Variants in FAT3 observed in about 807,000 individuals in gnomAD.
FAT3 encodes the protein FAT atypical cadherin 3, also known as protocadherin Fat 3.
FAT3 carries 95 observed loss-of-function variants against 310.2 expected under a neutral mutation model. The observed-to-expected ratio is 0.31, with a 90% confidence interval of 0.26 to 0.36. The LOEUF is 0.36. Ranked by LOEUF, FAT3 falls within the 10% of genes least tolerant of loss-of-function variation. The probability of loss-of-function intolerance (pLI) is 1.00; values close to 1 mark genes in which losing one functional copy is unlikely to be tolerated. For synonymous variants in FAT3, 2,314 were observed against 2,192.9 expected (o/e 1.06, Z -1.54); for missense variants, 5,408 against 5,715.6 (o/e 0.95, Z 1.74).
chr11:92,673,037 C>G (rs1440249610), intron 3 of FAT3, among the ~76,000 whole-genome samples: 1 of 152,178 alleles, frequency 6.6e-6, no homozygotes, highest in Admixed American at 6.5e-5. Flanking sequence ...CCAACTCTAA[C>G]AGTTAATAAT....
chr11:92,325,821 C>T (rs569650033), intron 1 of FAT3, among the ~76,000 whole-genome samples: 2 of 152,166 alleles, frequency 1.3e-5, no homozygotes, highest in South Asian at 2.1e-4. Context: ...TAGTAGATAC[C>T]GGGTTTCACC....
At chr11:92,820,691 C>T (rs1488713287) in intron 13 of FAT3, among the ~76,000 whole-genome samples, 5 of 152,120 alleles carry the variant, frequency 3.3e-5, no homozygotes, top group African/African-American at 1.2e-4. Flanking sequence ...TGACTGCAAC[C>T]TCAAGAGAAA....
At chr11:92,517,760 C>T (rs1953536549) in intron 2 of FAT3, among the ~76,000 whole-genome samples, 1 of 151,284 alleles carries the variant, frequency 6.6e-6, no homozygotes, top group Admixed American at 6.6e-5. Context: ...CTACAAGGAA[C>T]TTAAATTTAC....
chr11:92,433,033 G>A (rs553742811), intron 2 of FAT3, among the ~76,000 whole-genome samples: 7 of 152,132 alleles, frequency 4.6e-5, no homozygotes, highest in Non-Finnish European at 8.8e-5. Context: ...TATTTACACC[G>A]TGAAGGGAAA....
At chr11:92,443,230 C>G (rs1951121148) in intron 2 of FAT3, among the ~76,000 whole-genome samples, 1 of 152,112 alleles carries the variant, frequency 6.6e-6, no homozygotes, top group Admixed American at 6.6e-5. Context: ...GAGATTCTTC[C>G]TAGTTTATTG....
At chr11:92,601,565 C>G (rs1429714861) in intron 3 of FAT3, among the ~76,000 whole-genome samples, 1 of 152,070 alleles carries the variant, frequency 6.6e-6, no homozygotes, top group African/African-American at 2.4e-5. Context: ...CCACTGCACT[C>G]CAGCCTGGAT....
At chr11:92,624,626 C>G (rs1159755634) in intron 3 of FAT3, among the ~76,000 whole-genome samples, 1 of 152,172 alleles carries the variant, frequency 6.6e-6, no homozygotes, top group African/African-American at 2.4e-5. Flanking sequence ...AGAGAAATAA[C>G]TCCAAAAATA....
intron 4 of FAT3, among the ~76,000 whole-genome samples, chr11:92,717,164 T>A (rs1339512493): frequency 6.6e-6 from 1 of 152,220 alleles, no homozygotes; most frequent in Non-Finnish European, 1.5e-5. Context: ...ACTGTTAGTT[T>A]CCTTCTTCAC....
At chr11:92,754,627 C>CAAAAAAAAAAAAAAAAAAAAAAAA (rs71064722) in intron 4 of FAT3, among the ~76,000 whole-genome samples, 14 of 32,710 alleles carry the variant, frequency 4.3e-4, no homozygotes, top group East Asian at 2.9e-3. Flanking sequence ...GACTCTGCCT[C>CAAAAAAAAAAAAAAAAAAAAAAAA]AAAAAAAAAA....
intron 5 of FAT3, among the ~76,000 whole-genome samples, chr11:92,762,644 CAAT>C (rs1242417039): frequency 6.6e-6 from 1 of 152,096 alleles, no homozygotes; most frequent in African/African-American, 2.4e-5. Flanking sequence ...ACACAAATCA[CAAT>C]GATGTTTATT....
At chr11:92,424,588 G>A (rs948630964) in intron 2 of FAT3, among the ~76,000 whole-genome samples, 1 of 152,136 alleles carries the variant, frequency 6.6e-6, no homozygotes, top group African/African-American at 2.4e-5. Context: ...GTAGTAGACT[G>A]CAATAGAGTG....
intron 3 of FAT3, among the ~76,000 whole-genome samples, chr11:92,646,264 G>A (rs1023506778): frequency 2.0e-5 from 3 of 152,142 alleles, no homozygotes; most frequent in African/African-American, 4.8e-5. Context: ...GCTCAGTTGC[G>A]ACTGTTAACA....
rs756787169 is a variant in FAT3 at position 92,800,295 on chromosome 11, C to T, written c.7282C>T (p.Arg2428Trp). 4.2e-5 allele frequency: 68 copies of T among 1,613,600 alleles called. No homozygotes were observed. Among genetic ancestry groups the T allele is most frequent in the Admixed American group, 4.0e-4 (24 of 59,996 alleles). ...TGATGCAGACAGCTCTGATTTTGAC[C>T]GGTTGGAATATAGCATTTTATCTGG... ...ASDADSSDFD[R>W]LEYSILSGND... Residue 2428 changes from arginine to tryptophan, a missense_variant, in exon 10 of 28, where the codon CGG (arginine) becomes TGG (tryptophan). This residue lies in a region of FAT3 where 4,588 missense variants were observed against 4,809.8 expected (regional missense o/e 0.95). Coordinates refer to ENST00000525166, the MANE Select transcript of FAT3 (RefSeq NM_001367949.2).
At chr11:92,287,680 T>G (rs1290713907) in intron 1 of FAT3, among the ~76,000 whole-genome samples, 1 of 152,164 alleles carries the variant, frequency 6.6e-6, no homozygotes, top group Non-Finnish European at 1.5e-5. Context: ...TGCTCCCCTC[T>G]TAAGTTATCC....
At chr11:92,777,549 G>C (rs1054764003) in intron 7 of FAT3, among the ~76,000 whole-genome samples, 2 of 152,108 alleles carry the variant, frequency 1.3e-5, no homozygotes, top group Non-Finnish European at 2.9e-5. Flanking sequence ...AAACCTCCTA[G>C]CAAGATGGAC....
intron 2 of FAT3, among the ~76,000 whole-genome samples, chr11:92,475,275 TC>T (rs1339353807): frequency 6.6e-6 from 1 of 152,178 alleles, no homozygotes; most frequent in Non-Finnish European, 1.5e-5. Context: ...AATGATCTCT[TC>T]CAAGACATGT....
chr11:92,763,173 C>T (rs1804310233), intron 5 of FAT3, among the ~76,000 whole-genome samples: 1 of 150,280 alleles, frequency 6.7e-6, no homozygotes, highest in Admixed American at 6.6e-5. Flanking sequence ...AAAAAAAAGG[C>T]ACCATCCACC....
rs1948452395 is a variant in FAT3, at chr11:92,838,143, G to A, written c.10368+337G>A. 2.6e-5 allele frequency among the ~76,000 whole-genome samples: 4 copies of A among 152,288 alleles called. No individual in the cohort carries two copies. In the South Asian group the frequency reaches 8.3e-4, roughly 32 times the overall value. Reference sequence around the variant, plus strand: ...TAAGTAATTCACCAAAGATCATGCAGCTGGTAAGTGGCAGAGTCAGGATTT... The same window carrying A: ...TAAGTAATTCACCAAAGATCATGCAACTGGTAAGTGGCAGAGTCAGGATTT... On this transcript the variant is annotated intron_variant, in intron 17 of 27. Coordinates refer to ENST00000525166, the MANE Select transcript of FAT3 (RefSeq NM_001367949.2).
intron 1 of FAT3, among the ~76,000 whole-genome samples, chr11:92,264,526 TCAGAATAA>T (rs1945878880): frequency 6.6e-6 from 1 of 152,150 alleles, no homozygotes. Flanking sequence ...AACTAGTAAT[TCAGAATAA>T]CCGCTATTGC....
Sources: gnomAD v4.1 joint callset for allele counts (sites outside exome capture counted in the v4.1 genomes callset) on GRCh38, gnomAD v4.1.1 for gene constraint, gnomAD v4.1.1 regional missense constraint, MANE v1.5 for transcripts, NCBI Gene and HGNC (gene_info 2026-07-23, HGNC 2026-07-21) for gene names.